TBC1D22A: variants seen among roughly 807,000 people sequenced by gnomAD.
The protein encoded by TBC1D22A is TBC1 domain family member 22A, also known as putative GTPase activator.
Under a neutral mutation model 60.2 loss-of-function variants are expected in TBC1D22A, and 38 were observed. The ratio of observed to expected loss-of-function variants is 0.63; its 90% CI spans 0.49 to 0.83. The LOEUF is 0.83. TBC1D22A is among the 40% of genes least tolerant of loss of function. TBC1D22A has a pLI of 0.00. For missense variants in TBC1D22A, 628 were observed against 701.0 expected, an observed-to-expected ratio of 0.90 and a Z score of 1.18; for synonymous variants, 302 against 281.7, an observed-to-expected ratio of 1.07 and a Z score of -0.72.
intron 1 of TBC1D22A, among the ~76,000 whole-genome samples, chr22:46,779,306 T>A (rs936466710): frequency 3.3e-5 from 5 of 152,192 alleles, no homozygotes; most frequent in African/African-American, 1.2e-4. Context: ...AGGACCATGG[T>A]CCTATATGTG....
At position 47,162,028 on chromosome 22, in the gene TBC1D22A, C is replaced by T. The variant is rs558073224; in HGVS notation, c.1426-11470C>T. Among the ~76,000 whole-genome samples the T allele has an allele frequency of 2.0e-5, 3 of 152,326 alleles. No homozygotes were observed. The South Asian group carries it at 6.2e-4, about 32-fold the overall frequency. On this transcript the variant is annotated intron_variant, in intron 12 of 12. Coordinates refer to ENST00000337137, the MANE Select transcript of TBC1D22A (RefSeq NM_014346.5). ...CTCCTGTTCCTGTATTTTGCCAGTT[C>T]CTTTAAGGATTTTGACCTGTTTGTC...
At chr22:46,934,971 A>G (rs145131110) in intron 8 of TBC1D22A, among the ~76,000 whole-genome samples, 37 of 152,172 alleles carry the variant, frequency 2.4e-4, no homozygotes, top group Non-Finnish European at 2.1e-4. Context: ...AAGCTGTTTG[A>G]TATCATGGTT....
chr22:46,801,354 G>A (rs59312526), intron 4 of TBC1D22A, among the ~76,000 whole-genome samples: 6,209 of 152,302 alleles, frequency 0.041, 389 homozygotes, highest in African/African-American at 0.14. Context: ...CAATGTTGGA[G>A]AAGCAAATCA....
intron 4 of TBC1D22A, among the ~76,000 whole-genome samples, chr22:46,838,192 G>A (rs1022820507): frequency 6.6e-6 from 1 of 152,072 alleles, no homozygotes; most frequent in East Asian, 1.9e-4. Context: ...GAAATAGAGA[G>A]TAGAAAAACA....
At chr22:46,986,781 G>A (rs965409333) in intron 9 of TBC1D22A, among the ~76,000 whole-genome samples, 2 of 152,176 alleles carry the variant, frequency 1.3e-5, no homozygotes, top group Admixed American at 1.3e-4. Context: ...CATAACAAAT[G>A]ACTCCCAAAC....
intron 1 of TBC1D22A, among the ~76,000 whole-genome samples, chr22:46,771,275 A>G (rs148610421): frequency 3.1e-3 from 466 of 152,298 alleles, no homozygotes; most frequent in African/African-American, 0.011. Flanking sequence ...GGGATTCCTC[A>G]TGGAATTGAG....
chr22:47,164,635 C>T (rs945466921), intron 12 of TBC1D22A, among the ~76,000 whole-genome samples: 37 of 152,186 alleles, frequency 2.4e-4, no homozygotes, highest in African/African-American at 8.7e-4. Context: ...TTTCCCAGCC[C>T]AAATGGAGAC....
rs551710791 is a variant in TBC1D22A, at chr22:46,974,277, C to T, written c.1016-13C>T. The T allele has an allele frequency of 1.4e-4, 223 of 1,575,092 alleles. No homozygotes were observed. The highest frequency in any genetic ancestry group is 9.2e-5 in the Admixed American group (5 of 54,104). Reference sequence around the variant, plus strand: ...TAAGTCTCCTTGTCTTTTGCATGCTCGGCGCCGCCCAGAGGCAGAGGAGGT... The same window carrying T: ...TAAGTCTCCTTGTCTTTTGCATGCTTGGCGCCGCCCAGAGGCAGAGGAGGT... On this transcript the variant is annotated splice_polypyrimidine_tract_variant and intron_variant, in intron 8 of 12. Transcript: ENST00000337137.
chr22:47,171,079 A>G (rs1015964434), intron 12 of TBC1D22A, among the ~76,000 whole-genome samples: 5 of 152,148 alleles, frequency 3.3e-5, no homozygotes, highest in Non-Finnish European at 5.9e-5. Context: ...AGCTCAGCTC[A>G]TCCTGGCTGT....
In TBC1D22A at chr22:47,099,724, C is replaced by T. The variant is rs539282584; in HGVS notation, c.1330-11784C>T. Among the ~76,000 whole-genome samples, 3 of 151,616 alleles carry T rather than the reference C, an allele frequency of 2.0e-5. No homozygotes were observed. In the East Asian group the frequency reaches 5.9e-4, roughly 30 times the overall value. On this transcript the variant is annotated intron_variant, in intron 11 of 12. Transcript: ENST00000337137. ...CCTCCCAAAGTGCTGAGATTACAGGCGTGAGCTACCGCACCTGGCCTCGTC... is the reference window on the plus strand; with the variant it reads ...CCTCCCAAAGTGCTGAGATTACAGGTGTGAGCTACCGCACCTGGCCTCGTC...
rs569305142 is a variant in TBC1D22A, at chr22:46,881,301, G to A, written c.708+2578G>A. On this transcript the variant is annotated intron_variant, in intron 5 of 12. Coordinates refer to ENST00000337137, the MANE Select transcript of TBC1D22A (RefSeq NM_014346.5). ...TTGAGCACTTTGTGTTTTAGGCACT[G>A]TGTCGGGTGCTGGGAAATAGCAGGC... 2.9e-4 allele frequency among the ~76,000 whole-genome samples: 44 copies of A among 152,292 alleles called. 1 individual carries two copies. The highest frequency in any genetic ancestry group is 1.0e-3 in the African/African-American group (43 of 41,558).
At chr22:46,939,140 T>C (rs1028883338) in intron 8 of TBC1D22A, among the ~76,000 whole-genome samples, 2 of 151,900 alleles carry the variant, frequency 1.3e-5, no homozygotes, top group Non-Finnish European at 2.9e-5. Context: ...TTTTCACTTG[T>C]AATAGCAATG....
intron 9 of TBC1D22A, among the ~76,000 whole-genome samples, chr22:46,976,935 C>T (rs575430849): frequency 6.6e-6 from 1 of 152,178 alleles, no homozygotes; most frequent in Non-Finnish European, 1.5e-5. Context: ...GCCTCCTAGC[C>T]CCACAGTTTC....
chr22:46,920,093 A>T (rs2070661057), intron 8 of TBC1D22A, among the ~76,000 whole-genome samples: 1 of 152,118 alleles, frequency 6.6e-6, no homozygotes, highest in Non-Finnish European at 1.5e-5. Flanking sequence ...GTATGAATGA[A>T]GGAGAGAGAC....
In TBC1D22A at chr22:47,069,289, C is replaced by G. The variant is rs73473618; in HGVS notation, c.1329+32091C>G. Among the ~76,000 whole-genome samples, 1,369 of 152,322 alleles carry G rather than the reference C, an allele frequency of 9.0e-3. 14 individuals are homozygous for G. The highest frequency in any genetic ancestry group is 0.031 in the African/African-American group (1,305 of 41,554). ...TGCAGGTTCACATATATTTTTGTTG[C>G]AAACATGATCCAAACAATCTCAAAA... On this transcript the variant is annotated intron_variant, in intron 11 of 12. Coordinates refer to ENST00000337137, the MANE Select transcript of TBC1D22A (RefSeq NM_014346.5).
At chr22:46,817,587 A>T (rs995505604) in intron 4 of TBC1D22A, among the ~76,000 whole-genome samples, 4 of 152,188 alleles carry the variant, frequency 2.6e-5, no homozygotes, top group Non-Finnish European at 4.4e-5. Flanking sequence ...ACATGATCTC[A>T]TTCCTTTTTA....
At chr22:46,804,771 G>C (rs1268828970) in intron 4 of TBC1D22A, among the ~76,000 whole-genome samples, 1 of 152,156 alleles carries the variant, frequency 6.6e-6, no homozygotes, top group African/African-American at 2.4e-5. Context: ...CAGGTGATTT[G>C]TTTCTGTTGA....
Position 47,028,452 on chromosome 22 carries a change from C to T in TBC1D22A, c.1202-8619C>T, listed in dbSNP as rs891402592. Among the ~76,000 whole-genome samples the T allele has an allele frequency of 1.5e-4, 19 of 125,484 alleles. 1 individual carries two copies. The highest frequency in any genetic ancestry group is 1.8e-4 in the Non-Finnish European group (11 of 62,354). 82.3% of individuals were successfully genotyped at this position (125,484 alleles called of 152,430 possible). On this transcript the variant is annotated intron_variant, in intron 10 of 12. Transcript: ENST00000337137. This position sits in a 1 kb window ranked among gnomAD's most constrained non-coding sequence, Gnocchi z 4.4. ...AGTGGTCGCATTCCTGTCCCTCGGTCCCTGTCCCCCACGGCCCAGGTTCTG... is the reference window on the plus strand; with the variant it reads ...AGTGGTCGCATTCCTGTCCCTCGGTTCCTGTCCCCCACGGCCCAGGTTCTG...
At chr22:46,899,744 T>C (rs6009039) in intron 7 of TBC1D22A, among the ~76,000 whole-genome samples, 88,120 of 151,938 alleles carry the variant, frequency 0.58, 27,766 homozygotes, top group Middle Eastern at 0.79. Context: ...GAGAATGCCA[T>C]ACCCCCACTT....
Sources: allele counts gnomAD v4.1 joint callset (sites outside exome capture counted in the v4.1 genomes callset), GRCh38; gene constraint gnomAD v4.1.1; non-coding constraint Gnocchi (gnomAD v3.1); transcripts MANE v1.5; gene names NCBI Gene and HGNC (gene_info 2026-07-23, HGNC 2026-07-21).